JARID2: variants seen among roughly 807,000 people sequenced by gnomAD.
JARID2 encodes protein Jumonji.
In JARID2, 21 loss-of-function variants were observed where a neutral mutation model predicts 125.6. The ratio of observed to expected loss-of-function variants is 0.17; its 90% CI spans 0.12 to 0.24. JARID2 has a LOEUF of 0.24. JARID2 is among the 10% of genes least tolerant of loss of function. The pLI, the probability that JARID2 is intolerant of heterozygous loss-of-function variation, is 1.00. For synonymous variants in JARID2, 736 were observed against 661.6 expected (o/e 1.11, Z -1.73); for missense variants, 1,303 against 1,639.6 (o/e 0.79, Z 3.55).
At chr6:15,477,576 C>A (rs1265497091) in intron 5 of JARID2, among the ~76,000 whole-genome samples, 4 of 149,506 alleles carry the variant, frequency 2.7e-5, no homozygotes, top group African/African-American at 9.8e-5. Context: ...ATGTTTCTAA[C>A]CACCCCCTTT....
At chr6:15,507,987 G>T (rs1205620439) in intron 11 of JARID2, among the ~76,000 whole-genome samples, 1 of 152,226 alleles carries the variant, frequency 6.6e-6, no homozygotes, top group African/African-American at 2.4e-5. Context: ...TCTGCCTCTG[G>T]CCCTGATGGG....
chr6:15,274,782 T>A (rs1760434435), intron 1 of JARID2, among the ~76,000 whole-genome samples: 1 of 152,182 alleles, frequency 6.6e-6, no homozygotes, highest in Non-Finnish European at 1.5e-5. Context: ...AGGTATCCAC[T>A]CCCCCTTTCC....
chr6:15,268,216 C>T (rs1340568927), intron 1 of JARID2, among the ~76,000 whole-genome samples: 4 of 152,158 alleles, frequency 2.6e-5, no homozygotes, highest in South Asian at 4.1e-4. Flanking sequence ...CTAGATTTTC[C>T]GAAGAGCTTT....
At chr6:15,362,807 TTCTTG>T (rs2127497457) in intron 1 of JARID2, among the ~76,000 whole-genome samples, 1 of 152,292 alleles carries the variant, frequency 6.6e-6, no homozygotes, top group African/African-American at 2.4e-5. Flanking sequence ...TTTAGGAGAT[TTCTTG>T]TCTTTGGAAA....
chr6:15,301,080 G>A (rs16876202), intron 1 of JARID2, among the ~76,000 whole-genome samples: 6,560 of 152,154 alleles, frequency 0.043, 216 homozygotes, highest in East Asian at 0.1. Context: ...TTAAAGCAGC[G>A]TATAAGTAAC....
chr6:15,520,056 C>T lies in JARID2; in HGVS notation c.3559-13C>T, dbSNP rs1468858333. 2 of 1,605,580 alleles carry T rather than the reference C, an allele frequency of 1.2e-6. No individual in the cohort carries two copies. Among genetic ancestry groups the T allele is most frequent in the Non-Finnish European group, 8.5e-7 (1 of 1,175,970 alleles). On this transcript the variant is annotated splice_polypyrimidine_tract_variant and intron_variant, in intron 17 of 17. Coordinates refer to ENST00000341776, the MANE Select transcript of JARID2 (RefSeq NM_004973.4). Reference sequence around the variant, plus strand: ...CGGTATGTTAACTGTGTCTTCCTTTCACCCCCAAACAGGAACAGATTATCA... The same window carrying T: ...CGGTATGTTAACTGTGTCTTCCTTTTACCCCCAAACAGGAACAGATTATCA...
chr6:15,511,703 A>G (rs1771287673), intron 13 of JARID2, among the ~76,000 whole-genome samples: 1 of 152,162 alleles, frequency 6.6e-6, no homozygotes, highest in Non-Finnish European at 1.5e-5. Context: ...GAGAGGAATG[A>G]GCACAAAGGC....
chr6:15,386,366 C>A (rs1764787444), intron 2 of JARID2, among the ~76,000 whole-genome samples: 1 of 151,952 alleles, frequency 6.6e-6, no homozygotes, highest in Non-Finnish European at 1.5e-5. Context: ...CCACATATCT[C>A]CAGTATGTCT....
At chr6:15,266,632 C>A (rs1366884855) in intron 1 of JARID2, among the ~76,000 whole-genome samples, 2 of 152,158 alleles carry the variant, frequency 1.3e-5, no homozygotes, top group East Asian at 3.8e-4. Context: ...GTTTCTTCTG[C>A]TTTTTTGTCA....
intron 1 of JARID2, among the ~76,000 whole-genome samples, chr6:15,335,681 A>G (rs1403216649): frequency 2.0e-5 from 3 of 152,064 alleles, no homozygotes; most frequent in African/African-American, 7.2e-5. Context: ...CCACACTGCA[A>G]GAGTGTGCTG....
intron 1 of JARID2, among the ~76,000 whole-genome samples, chr6:15,355,986 T>G (rs951991718): frequency 6.6e-6 from 1 of 152,190 alleles, no homozygotes; most frequent in Non-Finnish European, 1.5e-5. Context: ...TCCCCCCTCC[T>G]TTCCCAGCAA....
At chr6:15,311,613 G>C (rs1762016162) in intron 1 of JARID2, among the ~76,000 whole-genome samples, 1 of 152,140 alleles carries the variant, frequency 6.6e-6, no homozygotes, top group African/African-American at 2.4e-5. Context: ...CTGAAGACTT[G>C]TGAGCAAGCC....
chr6:15,334,637 G>A (rs931103328), intron 1 of JARID2, among the ~76,000 whole-genome samples: 1 of 152,102 alleles, frequency 6.6e-6, no homozygotes, highest in Non-Finnish European at 1.5e-5. Context: ...TGACAGATGG[G>A]CCAAGTCAGG....
In JARID2 at chr6:15,311,864, T is replaced by TG. The variant is rs1397030542; in HGVS notation, c.46-62247dup. 1.3e-5 allele frequency among the ~76,000 whole-genome samples: 2 copies of TG among 152,062 alleles called. 1 individual carries two copies. On this transcript the variant is annotated intron_variant, in intron 1 of 17. Transcript: ENST00000341776. ...TAAGTCACTTTTAACTACGTGAAAC[T>TG]GGGGGGAATTTTCCACATTTGGACC... is the stretch of plus-strand genomic sequence containing the variant.
intron 1 of JARID2, among the ~76,000 whole-genome samples, chr6:15,290,714 G>A (rs1012407833): frequency 5.3e-5 from 8 of 152,126 alleles, no homozygotes; most frequent in African/African-American, 1.7e-4. Flanking sequence ...CACCTCCCGG[G>A]TTCATGCCAT....
intron 3 of JARID2, among the ~76,000 whole-genome samples, chr6:15,423,897 G>C (rs1179786936): frequency 6.6e-6 from 1 of 152,104 alleles, no homozygotes; most frequent in African/African-American, 2.4e-5. Context: ...CAGGTGCCCT[G>C]TCTTTGGGTG....
rs561759228 is a variant in JARID2 at position 15,519,770 on chromosome 6, C to T, written c.3559-299C>T. Among the ~76,000 whole-genome samples the T allele has an allele frequency of 3.4e-4, 52 of 152,220 alleles. 1 individual carries two copies. In the Middle Eastern group the frequency reaches 0.014, roughly 40 times the overall value. ...CCCTGGGTCTCTTTGCTGAGTGCTC[C>T]GTGGTAGAGGCAGTGCTCTGGGCTC... On this transcript the variant is annotated intron_variant, in intron 17 of 17. Coordinates refer to ENST00000341776, the MANE Select transcript of JARID2 (RefSeq NM_004973.4).
At chr6:15,412,946 GTTTT>G (rs1409378469) in intron 3 of JARID2, among the ~76,000 whole-genome samples, 1 of 142,746 alleles carries the variant, frequency 7.0e-6, no homozygotes, top group Non-Finnish European at 1.5e-5. Context: ...ACAGATGCTG[GTTTT>G]TTTACTTGCG....
chr6:15,473,284 A>C (rs1033304233), intron 5 of JARID2, among the ~76,000 whole-genome samples: 3 of 152,202 alleles, frequency 2.0e-5, no homozygotes, highest in African/African-American at 7.2e-5. Context: ...GTGCTGACGT[A>C]AGCGCTCTGA....
Sources: gnomAD v4.1 joint callset for allele counts (sites outside exome capture counted in the v4.1 genomes callset) on GRCh38, gnomAD v4.1.1 for gene constraint, MANE v1.5 for transcripts, NCBI Gene and HGNC (gene_info 2026-07-23, HGNC 2026-07-21) for gene names.